Variants in JADE3 observed in about 807,000 individuals in gnomAD.
JADE3 encodes protein Jade-3.
Under a neutral mutation model 50.1 loss-of-function variants are expected in JADE3, and 2 were observed. The ratio of observed to expected loss-of-function variants is 0.04; its 90% confidence interval spans 0.02 to 0.13. JADE3 has a LOEUF of 0.13. Among genes scored for constraint, JADE3 ranks in the 10% least tolerant of loss-of-function variants. The pLI is 1.00. For synonymous variants in JADE3, 218 were observed against 232.9 expected (o/e 0.94, Z 0.58); for missense variants, 475 against 634.4 (o/e 0.75, Z 2.70).
intron 4 of JADE3, among the ~76,000 whole-genome samples, chrX:47,015,660 A>T (rs1252877182): frequency 1.8e-5 from 2 of 109,845 alleles, no homozygotes; most frequent in African/African-American, 3.3e-5. Flanking sequence ...ATTTGGAAAT[A>T]ATTATTATGT....
chrX:47,009,222 C>A (rs1337353145), intron 4 of JADE3, among the ~76,000 whole-genome samples: 1 of 110,512 alleles, frequency 9.0e-6, no homozygotes, highest in Non-Finnish European at 1.9e-5. Flanking sequence ...CTCGGGAGGC[C>A]GAGTTGGAAG....
intron 6 of JADE3, 57 bp downstream of exon 6, chrX:47,028,160 A>G (rs782468181): frequency 1.9e-5 from 16 of 840,119 alleles, no homozygotes; most frequent in Non-Finnish European, 2.5e-5. Flanking sequence ...AAGCTCAGTG[A>G]TGATCTCCAG....
chrX:46,923,653 G>A (rs1267370642), intron 1 of JADE3, among the ~76,000 whole-genome samples: 1 of 108,816 alleles, frequency 9.2e-6, no homozygotes, highest in East Asian at 2.9e-4. Flanking sequence ...AGGTTCAAGC[G>A]ATCCTCCTGC....
intron 3 of JADE3, among the ~76,000 whole-genome samples, chrX:46,997,782 T>A (rs1928165258): frequency 8.9e-6 from 1 of 112,377 alleles, no homozygotes. Flanking sequence ...AAATAATTAT[T>A]AACTATCAGT....
At chrX:46,978,410 C>T (rs1363093761) in intron 1 of JADE3, among the ~76,000 whole-genome samples, 3 of 110,837 alleles carry the variant, frequency 2.7e-5, no homozygotes, top group Non-Finnish European at 5.7e-5. Context: ...GGGGGAGGGA[C>T]GTCTGGGAAG....
At chrX:47,022,036 C>A (rs782469734) in intron 4 of JADE3, among the ~76,000 whole-genome samples, 2 of 112,293 alleles carry the variant, frequency 1.8e-5, no homozygotes, top group Non-Finnish European at 1.9e-5. Flanking sequence ...CCTCTGTTTT[C>A]TTCCAGAAGC....
rs1040272927 is a variant in JADE3, at chrX:47,043,104, C to T, written c.972+4039C>T. ...TCCAGATATTACCCAGTAACACCAA[C>T]GTAGTATATCTACAAGTCTGCAAGA... On this transcript the variant is annotated intron_variant, in intron 8 of 10. Transcript: ENST00000614628. 3.6e-5 allele frequency among the ~76,000 whole-genome samples: 4 copies of T among 112,112 alleles called. No homozygotes were observed. In the Admixed American group the frequency reaches 3.8e-4, roughly 11 times the overall value.
At chrX:46,994,550 A>C (rs1282091197) in intron 3 of JADE3, among the ~76,000 whole-genome samples, 2 of 112,002 alleles carry the variant, frequency 1.8e-5, no homozygotes, top group African/African-American at 3.2e-5. Flanking sequence ...TAATTTAGCA[A>C]CAAATGGCTG....
chrX:46,971,795 A>G (rs868926476), intron 1 of JADE3, among the ~76,000 whole-genome samples: 3 of 95,593 alleles, frequency 3.1e-5, no homozygotes, highest in Admixed American at 1.1e-4. Context: ...GACTCCGTCT[A>G]AAAAAAAAAA....
chrX:46,994,630 C>T (rs782623594), intron 3 of JADE3, among the ~76,000 whole-genome samples: 1 of 111,720 alleles, frequency 9.0e-6, no homozygotes, highest in East Asian at 2.8e-4. Context: ...CTTGATGGGG[C>T]TCTTGCTTGG....
intron 4 of JADE3, among the ~76,000 whole-genome samples, chrX:47,015,473 A>G (rs901073144): frequency 2.8e-5 from 3 of 108,071 alleles, no homozygotes; most frequent in Non-Finnish European, 3.8e-5. Flanking sequence ...AATCCCAGCT[A>G]CTCGGGAGGC....
chrX:46,999,487 A>ACATATAT (rs1556358444), intron 4 of JADE3, among the ~76,000 whole-genome samples: 3 of 103,121 alleles, frequency 2.9e-5, no homozygotes, highest in Admixed American at 2.2e-4. Context: ...ATATATATAA[A>ACATATAT]ATAGGGTCTT....
chrX:47,013,249 A>C (rs935199646), intron 4 of JADE3, among the ~76,000 whole-genome samples: 1 of 111,589 alleles, frequency 9.0e-6, no homozygotes, highest in Non-Finnish European at 1.9e-5. Flanking sequence ...CCTGGCCTCA[A>C]GCAGTTATCC....
At position 46,964,644 on chromosome X, in the gene JADE3, G is replaced by A. The variant is rs782457460; in HGVS notation, c.-11-20240G>A. ...TCCTGACCCACAAAATTCATGAAGTGATAAAGTGGTGGTGGTTTTATGCCA... is the reference window on the plus strand; with the variant it reads ...TCCTGACCCACAAAATTCATGAAGTAATAAAGTGGTGGTGGTTTTATGCCA... On this transcript the variant is annotated intron_variant, in intron 1 of 10. Transcript: ENST00000614628. 5.3e-5 allele frequency among the ~76,000 whole-genome samples: 6 copies of A among 112,327 alleles called. No individual in the cohort carries two copies. In the South Asian group the frequency reaches 2.2e-3, roughly 41 times the overall value.
At chrX:47,009,152 G>A (rs1202239439) in intron 4 of JADE3, among the ~76,000 whole-genome samples, 1 of 110,293 alleles carries the variant, frequency 9.1e-6, no homozygotes, top group Non-Finnish European at 1.9e-5. Flanking sequence ...GTGAGACCTC[G>A]TCTCTACAAA....
At chrX:47,012,938 C>G (rs1465910376) in intron 4 of JADE3, among the ~76,000 whole-genome samples, 2 of 111,272 alleles carry the variant, frequency 1.8e-5, no homozygotes, top group Non-Finnish European at 3.8e-5. Flanking sequence ...CCATGTATTC[C>G]TTATAAGTCA....
chrX:46,990,194 G>A (rs1271350266), intron 3 of JADE3, among the ~76,000 whole-genome samples: 1 of 111,713 alleles, frequency 9.0e-6, no homozygotes, highest in East Asian at 2.8e-4. Flanking sequence ...GTTGATGCCT[G>A]TTGATTGTCT....
chrX:46,943,877 G>A (rs112797251), intron 1 of JADE3, among the ~76,000 whole-genome samples: 1,274 of 111,074 alleles, frequency 0.011, 18 homozygotes, highest in African/African-American at 0.04. Context: ...TTTTATTATT[G>A]ATTTAGTTTT....
intron 7 of JADE3, among the ~76,000 whole-genome samples, chrX:47,037,440 G>A (rs781913464): frequency 4.5e-5 from 5 of 111,607 alleles, no homozygotes; most frequent in African/African-American, 9.8e-5. Flanking sequence ...ATAGATACTC[G>A]ATTTAGTTAC....
Sources: gnomAD v4.1 joint callset for allele counts (sites outside exome capture counted in the v4.1 genomes callset) on GRCh38, gnomAD v4.1.1 for gene constraint, MANE v1.5 for transcripts, NCBI Gene and HGNC (gene_info 2026-07-23, HGNC 2026-07-21) for gene names.